GALNT15: variants seen among roughly 807,000 people sequenced by gnomAD.
GALNT15 encodes the protein UDP-GalNAc transferase T15.
GALNT15 carries 67 observed loss-of-function variants against 66.8 expected under a neutral mutation model. The ratio of observed to expected loss-of-function variants is 1.00; its 90% CI spans 0.82 to 1.23. GALNT15 has a LOEUF of 1.23. Among genes scored for constraint, GALNT15 ranks in the 50% most tolerant of loss-of-function variants. GALNT15 has a pLI of 0.00. For missense variants in GALNT15, 827 were observed against 804.3 expected (o/e 1.03, Z -0.34); for synonymous variants, 313 against 311.5 (o/e 1.00, Z -0.05).
At chr3:16,244,573 T>C in the GALNT15 span, among the ~76,000 whole-genome samples, 1 of 152,320 alleles carries the variant, frequency 6.6e-6, no homozygotes, top group East Asian at 1.9e-4. Context: ...TCAGCACAGT[T>C]GGGGTACACA....
chr3:16,217,275 G>C (rs942119840), intron 6 of GALNT15, among the ~76,000 whole-genome samples: 1 of 152,180 alleles, frequency 6.6e-6, no homozygotes, highest in African/African-American at 2.4e-5. Flanking sequence ...TCCATTCTCT[G>C]ATTCACAGAT....
intron 3 of GALNT15, among the ~76,000 whole-genome samples, chr3:16,206,638 C>A (rs757630125): frequency 1.3e-4 from 19 of 147,190 alleles, no homozygotes; most frequent in Admixed American, 2.0e-4. Flanking sequence ...ACGCCACTGC[C>A]CTCCAGCCTG....
downstream of GALNT15, among the ~76,000 whole-genome samples, chr3:16,232,510 ATT>A (rs1491388683): frequency 0.014 from 992 of 70,028 alleles, 78 homozygotes; most frequent in African/African-American, 0.018. Flanking sequence ...ATATATATAT[ATT>A]TATTTAAAAG....
At chr3:16,215,678 G>A (rs748961423) in intron 6 of GALNT15, among the ~76,000 whole-genome samples, 17 of 152,076 alleles carry the variant, frequency 1.1e-4, no homozygotes, top group East Asian at 1.9e-4. Flanking sequence ...TTGGGAGGCC[G>A]AGGTGGGTGG....
At chr3:16,247,634 A>G in the GALNT15 span, among the ~76,000 whole-genome samples, 1 of 152,270 alleles carries the variant, frequency 6.6e-6, no homozygotes, top group Non-Finnish European at 1.5e-5. Context: ...CTGATAAAAG[A>G]CAACGCAAGG....
At chr3:16,194,173 T>C (rs910971801) in intron 1 of GALNT15, among the ~76,000 whole-genome samples, 2 of 152,186 alleles carry the variant, frequency 1.3e-5, no homozygotes, top group Non-Finnish European at 2.9e-5. Context: ...TCCTTATCTG[T>C]AAAATGGGAG....
intron 6 of GALNT15, among the ~76,000 whole-genome samples, chr3:16,218,186 C>T (rs527408798): frequency 6.6e-6 from 1 of 152,334 alleles, no homozygotes; most frequent in South Asian, 2.1e-4. Flanking sequence ...GTACAACAGA[C>T]TTACCACATT....
At chr3:16,215,543 G>C (rs1183720560) in intron 6 of GALNT15, among the ~76,000 whole-genome samples, 1 of 152,164 alleles carries the variant, frequency 6.6e-6, no homozygotes, top group Non-Finnish European at 1.5e-5. Flanking sequence ...TCCAGAAATA[G>C]TTGGACGTCC....
chr3:16,208,751 A>T, intron 4 of GALNT15, 81 bp downstream of exon 4: 1 of 1,267,728 alleles, frequency 7.9e-7, no homozygotes, highest in East Asian at 2.3e-5. Context: ...GTCTAATCCT[A>T]CCTCCACAGT....
At chr3:16,223,289 C>T (rs2124903839) in intron 9 of GALNT15, among the ~76,000 whole-genome samples, 1 of 152,118 alleles carries the variant, frequency 6.6e-6, no homozygotes, top group South Asian at 2.1e-4. Context: ...TAGATCCTTC[C>T]CAGAAGTTAG....
chr3:16,202,819 A>T (rs536667044), intron 3 of GALNT15, among the ~76,000 whole-genome samples: 11 of 152,182 alleles, frequency 7.2e-5, no homozygotes, highest in Non-Finnish European at 1.2e-4. Context: ...GACCATGAAG[A>T]TCATCTTGTC....
In GALNT15 at chr3:16,180,329, T is replaced by A. The variant is rs908117707; in HGVS notation, c.539+4639T>A. Reference sequence around the variant, plus strand: ...AACTTTAAGGTGCATGCGAATCTTCTAGGCATCCTGTTAAAATGCAGTCAA... The same window carrying A: ...AACTTTAAGGTGCATGCGAATCTTCAAGGCATCCTGTTAAAATGCAGTCAA... On this transcript the variant is annotated intron_variant, in intron 1 of 9. Coordinates refer to ENST00000339732, the MANE Select transcript of GALNT15 (RefSeq NM_054110.5). This position sits in a 1 kb window ranked among gnomAD's most constrained non-coding sequence, Gnocchi z 5.0. Among the ~76,000 whole-genome samples, 2 of 152,218 alleles carry A rather than the reference T, an allele frequency of 1.3e-5. No homozygotes were observed. Among genetic ancestry groups the A allele is most frequent in the Non-Finnish European group, 1.5e-5 (1 of 68,042 alleles).
Position 16,175,801 on chromosome 3 carries a change from C to T in GALNT15, c.539+111C>T, listed in dbSNP as rs549585131. ...TGCCTCTCCTGACTTAGAGCAAGTG[C>T]TTTTCAAGATGCAGTACCTGGGCCA... On this transcript the variant is annotated intron_variant, in intron 1 of 9. Coordinates refer to ENST00000339732, the MANE Select transcript of GALNT15 (RefSeq NM_054110.5). This position sits in a 1 kb window ranked among gnomAD's most constrained non-coding sequence, Gnocchi z 5.6. The T allele has an allele frequency of 2.0e-6, 2 of 1,003,582 alleles. No homozygotes were observed. Among genetic ancestry groups the T allele is most frequent in the East Asian group, 2.6e-5 (1 of 38,196 alleles). 62.2% of individuals were successfully genotyped at this position (1,003,582 alleles called of 1,614,324 possible).
intron 5 of GALNT15, among the ~76,000 whole-genome samples, chr3:16,212,312 T>C (rs1450392181): frequency 6.6e-6 from 1 of 152,148 alleles, no homozygotes; most frequent in African/African-American, 2.4e-5. Context: ...GGGCAGCATA[T>C]TCAGGTAGTT....
chr3:16,218,946 C>G (rs984101496), intron 6 of GALNT15, among the ~76,000 whole-genome samples: 1 of 151,340 alleles, frequency 6.6e-6, no homozygotes, highest in Non-Finnish European at 1.5e-5. Flanking sequence ...TCCTGAGTAA[C>G]TGGGATTACA....
At chr3:16,214,550 A>C (rs1180127581) in intron 6 of GALNT15, among the ~76,000 whole-genome samples, 1 of 152,078 alleles carries the variant, frequency 6.6e-6, no homozygotes, top group East Asian at 1.9e-4. Context: ...CATGGCTACT[A>C]ATGGTCAAAA....
chr3:16,199,239 A>G (rs2063674056), intron 2 of GALNT15, among the ~76,000 whole-genome samples: 1 of 140,494 alleles, frequency 7.1e-6, no homozygotes, highest in Non-Finnish European at 1.6e-5. Context: ...CACACACACA[A>G]TCAAGTTATT....
At chr3:16,236,104 C>CAAAAAAAAAAA (rs558670542), downstream of GALNT15, among the ~76,000 whole-genome samples, 27 of 23,398 alleles carry the variant, frequency 1.2e-3, 7 homozygotes, top group South Asian at 2.5e-3. Flanking sequence ...GACTATGTCT[C>CAAAAAAAAAAA]AAAAAAAAAA....
At position 16,183,046 on chromosome 3, in the gene GALNT15, C is replaced by T. The variant is rs79002724; in HGVS notation, c.539+7356C>T. ...TGGCTCCAAGATGCTTCATAGGCCT[C>T]CGGTCAGTGTTCAGACCAGTGACTC... is the stretch of plus-strand genomic sequence containing the variant. On this transcript the variant is annotated intron_variant, in intron 1 of 9. Coordinates refer to ENST00000339732, the MANE Select transcript of GALNT15 (RefSeq NM_054110.5). The surrounding 1 kb of genome is among the most constrained non-coding windows in gnomAD (Gnocchi z 5.2). 147 of 152,360 alleles carry T rather than the reference C, an allele frequency of 9.6e-4. 3 individuals carry two copies. In the East Asian group the frequency reaches 0.027, roughly 28 times the overall value. The allele number at this position is 152,360 out of a possible 1,614,324, so 9.4% of individuals were successfully genotyped here. A position where few individuals can be genotyped will look rare whatever the true frequency, so the allele number is the denominator to read the frequency against.
Sources: allele counts gnomAD v4.1 joint callset (sites outside exome capture counted in the v4.1 genomes callset), GRCh38; gene constraint gnomAD v4.1.1; non-coding constraint Gnocchi (gnomAD v3.1); transcripts MANE v1.5; gene names NCBI Gene and HGNC (gene_info 2026-07-23, HGNC 2026-07-21).